The following PRKCH variants were observed in gnomAD, a reference collection of about 807,000 sequenced individuals.
PRKCH encodes the protein protein kinase C eta type.
Under a neutral mutation model 82.5 loss-of-function variants are expected in PRKCH, and 28 were observed. The ratio of observed to expected loss-of-function variants is 0.34; its 90% CI spans 0.25 to 0.47. The LOEUF (loss-of-function observed/expected upper bound fraction) is 0.47. Ranked by LOEUF, PRKCH falls within the 20% of genes least tolerant of loss-of-function variation. The pLI, the probability that PRKCH is intolerant of heterozygous loss-of-function variation, is 1.00. For missense variants in PRKCH, 705 were observed against 881.8 expected, an observed-to-expected ratio of 0.80 and a Z score of 2.54; for synonymous variants, 322 against 327.4, an observed-to-expected ratio of 0.98 and a Z score of 0.18.
intron 9 of PRKCH, among the ~76,000 whole-genome samples, chr14:61,480,034 T>TC (rs1400529462): frequency 1.3e-5 from 2 of 152,170 alleles, no homozygotes; most frequent in African/African-American, 4.8e-5. Flanking sequence ...GTTAAACCGG[T>TC]CTCCTGGCCT....
chr14:61,384,115 A>G (rs1480925852), intron 1 of PRKCH, among the ~76,000 whole-genome samples: 1 of 152,152 alleles, frequency 6.6e-6, no homozygotes, highest in Non-Finnish European at 1.5e-5. Flanking sequence ...GGGATCCTAG[A>G]ATGATGGAGG....
intron 1 of PRKCH, among the ~76,000 whole-genome samples, chr14:61,325,465 C>A (rs1403786173): frequency 6.6e-6 from 1 of 152,180 alleles, no homozygotes; most frequent in Admixed American, 6.5e-5. Flanking sequence ...CCTACAAAGA[C>A]ATTAATTCAA....
At chr14:61,256,761 T>G (rs2045001057) in intron 1 of PRKCH, among the ~76,000 whole-genome samples, 2 of 152,224 alleles carry the variant, frequency 1.3e-5, no homozygotes, top group Non-Finnish European at 2.9e-5. Flanking sequence ...TGTGAATTGG[T>G]CCACTTGATC....
intron 11 of PRKCH, among the ~76,000 whole-genome samples, chr14:61,529,840 G>T (rs1029466219): frequency 1.3e-5 from 2 of 150,834 alleles, no homozygotes; most frequent in African/African-American, 4.9e-5. Flanking sequence ...CACCAGCATG[G>T]CACATGTATA....
chr14:61,461,008 C>G (rs1885003967), intron 9 of PRKCH, among the ~76,000 whole-genome samples: 1 of 152,112 alleles, frequency 6.6e-6, no homozygotes, highest in African/African-American at 2.4e-5. Flanking sequence ...GACTCCCACG[C>G]CACCCCAGCG....
chr14:61,230,634 A>G (rs763822162), intron 1 of PRKCH, among the ~76,000 whole-genome samples: 17 of 152,222 alleles, frequency 1.1e-4, no homozygotes, highest in East Asian at 3.8e-4. Flanking sequence ...TATGACAGAA[A>G]TGTTTACTCA....
intron 2 of PRKCH, among the ~76,000 whole-genome samples, chr14:61,426,999 G>A (rs1248149557): frequency 6.6e-6 from 1 of 152,192 alleles, no homozygotes; most frequent in African/African-American, 2.4e-5. Context: ...AGTGACCACA[G>A]CCCAAGGCAC....
At chr14:61,188,273 G>C (rs982251537) in intron 1 of PRKCH, among the ~76,000 whole-genome samples, 2 of 152,324 alleles carry the variant, frequency 1.3e-5, no homozygotes, top group Admixed American at 1.3e-4. Context: ...CAGAGGGGAG[G>C]GGAGGCGGCC....
chr14:61,453,386 T>G lies in PRKCH; in HGVS notation c.960+33T>G, dbSNP rs566034452. ...TTTGCTTTTTTTCCATGTCTCGTAATTTAGAAGTTGCTCAGATGTGATGAG... is the reference window on the plus strand; with the variant it reads ...TTTGCTTTTTTTCCATGTCTCGTAAGTTAGAAGTTGCTCAGATGTGATGAG... On this transcript the variant is annotated intron_variant, in intron 7 of 13. Coordinates refer to ENST00000332981, the MANE Select transcript of PRKCH (RefSeq NM_006255.5). 9 of 1,604,752 alleles carry G rather than the reference T, an allele frequency of 5.6e-6. No individual in the cohort carries two copies. In the Admixed American group the frequency reaches 1.5e-4, roughly 27 times the overall value.
chr14:61,476,697 T>C (rs1220108053), intron 9 of PRKCH, among the ~76,000 whole-genome samples: 1 of 152,192 alleles, frequency 6.6e-6, no homozygotes, highest in Non-Finnish European at 1.5e-5. Context: ...CCCTCTAGGT[T>C]TGAAATGCAA....
At chr14:61,365,910 A>C (rs1211055745) in intron 1 of PRKCH, among the ~76,000 whole-genome samples, 1 of 152,094 alleles carries the variant, frequency 6.6e-6, no homozygotes, top group Admixed American at 6.5e-5. Context: ...CAGAAGAAAG[A>C]GATTATTTTA....
At chr14:61,432,384 T>G (rs1426125665) in intron 2 of PRKCH, among the ~76,000 whole-genome samples, 3 of 152,238 alleles carry the variant, frequency 2.0e-5, no homozygotes, top group Admixed American at 1.3e-4. Context: ...ATTTCCCTCC[T>G]TCTTCAAGTA....
chr14:61,280,874 A>T lies in PRKCH; in HGVS notation c.-19+93206A>T. ...AGCGAGAAGTACCAGGCGCACGAGC[A>T]GGGGGGCGGCAGCGCCCGGCCCTGG... On this transcript the variant is annotated intron_variant, in intron 1 of 3. Coordinates refer to the PRKCH transcript ENST00000555185. This position sits in a 1 kb window ranked among gnomAD's most constrained non-coding sequence, Gnocchi z 5.0. 3 of 1,564,962 alleles carry T rather than the reference A, an allele frequency of 1.9e-6. No individual in the cohort carries two copies. The highest frequency in any genetic ancestry group is 2.6e-6 in the Non-Finnish European group (3 of 1,163,316).
chr14:61,391,055 T>C (rs2046671781), intron 1 of PRKCH, among the ~76,000 whole-genome samples, 170 bp from the exon 2 acceptor site: 1 of 152,208 alleles, frequency 6.6e-6, no homozygotes. Context: ...CTTTACAGTT[T>C]TTTGAGCTTT....
chr14:61,512,890 G>T (rs2042766274), intron 10 of PRKCH, among the ~76,000 whole-genome samples: 1 of 151,864 alleles, frequency 6.6e-6, no homozygotes, highest in African/African-American at 2.4e-5. Flanking sequence ...GCAGTGGCAT[G>T]ATCATATCCT....
chr14:61,516,674 G>T (rs1423800093), intron 10 of PRKCH, among the ~76,000 whole-genome samples: 2 of 152,164 alleles, frequency 1.3e-5, no homozygotes, highest in East Asian at 3.8e-4. Context: ...AGGGGAAAAT[G>T]TGATGTCTTT....
chr14:61,550,936 G>T lies in PRKCH; in HGVS notation c.*1105G>T, dbSNP rs1040619386. 1.4e-4 allele frequency: 22 copies of T among 152,230 alleles called. No individual in the cohort carries two copies. The highest frequency in any genetic ancestry group is 5.3e-4 in the African/African-American group (22 of 41,456). The allele number at this position is 152,230 out of a possible 1,614,324, so 9.4% of individuals were successfully genotyped here. Reference sequence around the variant, plus strand: ...ATATGTACCCGAATATACAGTTCAAGAATTTTGTCTGACTGGAAATAAATG... The same window carrying T: ...ATATGTACCCGAATATACAGTTCAATAATTTTGTCTGACTGGAAATAAATG... On this transcript the variant is annotated 3_prime_UTR_variant, in exon 14 of 14. Transcript: ENST00000332981.
At chr14:61,353,195 A>C (rs1011732606) in intron 1 of PRKCH, among the ~76,000 whole-genome samples, 24 of 152,206 alleles carry the variant, frequency 1.6e-4, no homozygotes, top group African/African-American at 5.8e-4. Context: ...TGGAAAATGA[A>C]GCATCGAGCA....
At chr14:61,316,112 A>T (rs1422498621) in intron 1 of PRKCH, among the ~76,000 whole-genome samples, 1 of 152,152 alleles carries the variant, frequency 6.6e-6, no homozygotes, top group Non-Finnish European at 1.5e-5. Flanking sequence ...ATATTCCATT[A>T]AGTTGCTATT....
Sources: allele counts gnomAD v4.1 joint callset (sites outside exome capture counted in the v4.1 genomes callset), GRCh38; gene constraint gnomAD v4.1.1; non-coding constraint Gnocchi (gnomAD v3.1); transcripts MANE v1.5; gene names NCBI Gene and HGNC (gene_info 2026-07-23, HGNC 2026-07-21).